OSBPL10: variants seen among roughly 807,000 people sequenced by gnomAD.
OSBPL10 encodes the protein oxysterol-binding protein-related protein 10.
A neutral mutation model predicts 81.7 loss-of-function variants in OSBPL10; 49 were observed. The ratio of observed to expected loss-of-function variants is 0.60; its 90% CI spans 0.48 to 0.76. OSBPL10 has a LOEUF of 0.76. OSBPL10 is among the 30% of genes least tolerant of loss of function. The pLI is 0.00. For missense variants in OSBPL10, 923 were observed against 987.8 expected (o/e 0.93, Z 0.88); for synonymous variants, 419 against 383.6 (o/e 1.09, Z -1.08).
At chr3:31,977,038 A>G (rs1698712077) in intron 1 of OSBPL10, among the ~76,000 whole-genome samples, 1 of 152,190 alleles carries the variant, frequency 6.6e-6, no homozygotes, top group African/African-American at 2.4e-5. Context: ...AGGGCAAATG[A>G]AAGTTCATAC....
chr3:32,066,761 A>G (rs1699783978), intron 1 of OSBPL10: 2 of 152,186 alleles, frequency 1.3e-5, no homozygotes, highest in South Asian at 4.1e-4. Context: ...AATCCTAATA[A>G]CGTCACCCAC....
intron 4 of OSBPL10, among the ~76,000 whole-genome samples, chr3:31,812,810 GAAAGAAAGAGAA>G (rs1559476527): frequency 3.7e-4 from 20 of 53,794 alleles, no homozygotes; most frequent in African/African-American, 7.9e-4. Context: ...AAGAAAGAAA[GAAAGAAAGAGAA>G]AGAAAGAAAG....
intron 3 of OSBPL10, among the ~76,000 whole-genome samples, chr3:31,846,300 A>G (rs1700630017): frequency 6.6e-6 from 1 of 152,182 alleles, no homozygotes; most frequent in South Asian, 2.1e-4. Flanking sequence ...GGCATCAGCC[A>G]TTGCATCTGA....
intron 1 of OSBPL10, among the ~76,000 whole-genome samples, chr3:31,946,837 T>C (rs924883829): frequency 7.4e-5 from 11 of 148,410 alleles, no homozygotes; most frequent in Non-Finnish European, 1.0e-4. Context: ...ACCATGGAGA[T>C]GGTGTTGAGG....
At chr3:31,960,447 G>C (rs996160830) in intron 1 of OSBPL10, 1 of 152,194 alleles carries the variant, frequency 6.6e-6, no homozygotes, top group Non-Finnish European at 1.5e-5. Flanking sequence ...ATTATAAACA[G>C]ACTGTGGAAA....
At chr3:31,925,904 C>A (rs139541429) in intron 1 of OSBPL10, among the ~76,000 whole-genome samples, 127 of 152,306 alleles carry the variant, frequency 8.3e-4, no homozygotes, top group African/African-American at 3.0e-3. Flanking sequence ...CCTTAATTCA[C>A]AATGACTTTT....
chr3:31,969,355 G>A (rs1698489007), intron 1 of OSBPL10: 1 of 152,394 alleles, frequency 6.6e-6, no homozygotes, highest in Non-Finnish European at 1.5e-5. Context: ...CCAGCCCAGA[G>A]GTGGCAAGAG....
At chr3:31,881,013 G>C (rs1232297866) in intron 1 of OSBPL10, among the ~76,000 whole-genome samples, 1 of 152,146 alleles carries the variant, frequency 6.6e-6, no homozygotes, top group Non-Finnish European at 1.5e-5. Context: ...CACTTGCCCA[G>C]AATGCTACTC....
rs111530552 is a variant in OSBPL10, at chr3:31,953,216, A to C, written c.281+27683T>G. Among the ~76,000 whole-genome samples, 1,394 of 152,150 alleles carry C rather than the reference A, an allele frequency of 9.2e-3. 25 individuals carry two copies. The highest frequency in any genetic ancestry group is 0.032 in the African/African-American group (1,318 of 41,484). ...CCAAAGTGCTGAGATTACAGGCGTG[A>C]GCCAGCGCGCCCGGTCCTCAGATAC... is the stretch of plus-strand genomic sequence containing the variant. On this transcript the variant is annotated intron_variant, in intron 1 of 11. Coordinates refer to ENST00000396556, the MANE Select transcript of OSBPL10 (RefSeq NM_017784.5).
intron 4 of OSBPL10, among the ~76,000 whole-genome samples, chr3:31,812,724 AAG>A (rs1354351922): frequency 0.034 from 631 of 18,312 alleles, 59 homozygotes; most frequent in South Asian, 0.12. Flanking sequence ...AAAAAAAAGA[AAG>A]AAAGAAAGAA....
intron 4 of OSBPL10, among the ~76,000 whole-genome samples, chr3:31,757,105 C>T (rs375598983): frequency 8.5e-5 from 13 of 152,068 alleles, no homozygotes; most frequent in East Asian, 1.9e-4. Context: ...AGGGTTTTTC[C>T]GTGAAAATTA....
intron 4 of OSBPL10, among the ~76,000 whole-genome samples, chr3:31,754,403 G>A (rs1397925249): frequency 6.6e-6 from 1 of 152,144 alleles, no homozygotes; most frequent in East Asian, 1.9e-4. Context: ...ATGAGCGGAA[G>A]GAAGAGGGAT....
chr3:31,674,103 G>A (rs999151254), intron 8 of OSBPL10, among the ~76,000 whole-genome samples: 1 of 152,158 alleles, frequency 6.6e-6, no homozygotes, highest in African/African-American at 2.4e-5. Flanking sequence ...CAAAACTCAT[G>A]TTGAAATTTG....
Position 31,928,044 on chromosome 3 carries a change from A to G in OSBPL10, c.282-48214T>C, listed in dbSNP as rs183723369. ...AGTGAGAGAAAATTCAGTGTGAACCACGACCAGTAAAAATAAGGTCATTAA... is the reference window on the plus strand; with the variant it reads ...AGTGAGAGAAAATTCAGTGTGAACCGCGACCAGTAAAAATAAGGTCATTAA... On this transcript the variant is annotated intron_variant, in intron 1 of 11. Transcript: ENST00000396556. 2.4e-4 allele frequency among the ~76,000 whole-genome samples: 37 copies of G among 152,332 alleles called. No individual in the cohort carries two copies. In the East Asian group the frequency reaches 6.5e-3, roughly 27 times the overall value.
chr3:31,873,054 C>T (rs952517241), intron 3 of OSBPL10, among the ~76,000 whole-genome samples: 3 of 151,988 alleles, frequency 2.0e-5, no homozygotes, highest in Non-Finnish European at 4.4e-5. Flanking sequence ...GAGGGGTCAG[C>T]GAGGAGATTG....
At chr3:31,925,704 T>C (rs965320628) in intron 1 of OSBPL10, among the ~76,000 whole-genome samples, 2 of 151,950 alleles carry the variant, frequency 1.3e-5, no homozygotes, top group East Asian at 1.9e-4. Context: ...TCCCAGCTAC[T>C]TGGGAGGCTG....
intron 1 of OSBPL10, among the ~76,000 whole-genome samples, chr3:31,930,015 A>C (rs1373570745): frequency 4.7e-5 from 7 of 150,282 alleles, no homozygotes; most frequent in Non-Finnish European, 5.9e-5. Flanking sequence ...AAAAAAAAAA[A>C]AAAAAAAAAA....
chr3:31,902,047 AC>A (rs1407774749), intron 1 of OSBPL10, among the ~76,000 whole-genome samples: 7 of 152,028 alleles, frequency 4.6e-5, no homozygotes, highest in African/African-American at 1.7e-4. Flanking sequence ...AAAGCACCAA[AC>A]AAAAAAGGGC....
At chr3:31,931,206 C>G (rs563605814) in intron 1 of OSBPL10, among the ~76,000 whole-genome samples, 12 of 151,744 alleles carry the variant, frequency 7.9e-5, no homozygotes, top group Non-Finnish European at 1.6e-4. Context: ...GGATTGAAAA[C>G]CATGTGAACG....
Sources: gnomAD v4.1 joint callset for allele counts (sites outside exome capture counted in the v4.1 genomes callset) on GRCh38, gnomAD v4.1.1 for gene constraint, MANE v1.5 for transcripts, NCBI Gene and HGNC (gene_info 2026-07-23, HGNC 2026-07-21) for gene names.